Variants in KLF12 observed in about 807,000 individuals in gnomAD.
KLF12 encodes the protein KLF transcription factor 12, also known as Krueppel-like factor 12.
Under a neutral mutation model 37.8 loss-of-function variants are expected in KLF12, and 9 were observed. The ratio of observed to expected loss-of-function variants is 0.24; its 90% CI spans 0.14 to 0.42. The LOEUF (loss-of-function observed/expected upper bound fraction) is 0.42. Among genes scored for constraint, KLF12 ranks in the 10% least tolerant of loss-of-function variants. The pLI is 1.00. For synonymous variants in KLF12, 208 were observed against 202.1 expected, an observed-to-expected ratio of 1.03 and a Z score of -0.25; for missense variants, 411 against 516.0, an observed-to-expected ratio of 0.80 and a Z score of 1.97.
intron 2 of KLF12, among the ~76,000 whole-genome samples, chr13:73,988,337 G>T (rs1891881202): frequency 6.6e-6 from 1 of 152,218 alleles, no homozygotes; most frequent in Middle Eastern, 3.4e-3. Context: ...CCAATTCCCT[G>T]GCTCTAATAA....
chr13:74,199,821 G>A, the KLF12 span, among the ~76,000 whole-genome samples: 1 of 152,064 alleles, frequency 6.6e-6, no homozygotes, highest in Non-Finnish European at 1.5e-5. Flanking sequence ...CCAAAAAAAT[G>A]GGATACAACA....
At chr13:73,854,621 G>A (rs1344629255) in intron 3 of KLF12, among the ~76,000 whole-genome samples, 2 of 152,090 alleles carry the variant, frequency 1.3e-5, no homozygotes, top group African/African-American at 4.8e-5. Flanking sequence ...ATCCATGGGG[G>A]ATTGGTTCCA....
At chr13:73,762,401 T>C (rs930630120) in intron 6 of KLF12, among the ~76,000 whole-genome samples, 3 of 152,208 alleles carry the variant, frequency 2.0e-5, no homozygotes, top group Non-Finnish European at 4.4e-5. Flanking sequence ...AACTCAATAA[T>C]AAACACTGGT....
At chr13:73,905,376 T>A (rs1344569342) in intron 3 of KLF12, among the ~76,000 whole-genome samples, 1 of 149,902 alleles carries the variant, frequency 6.7e-6, no homozygotes, top group Non-Finnish European at 1.5e-5. Context: ...AAATATGATA[T>A]CATCATGGAT....
intron 1 of KLF12, among the ~76,000 whole-genome samples, chr13:74,073,939 C>T (rs1363280872): frequency 1.3e-5 from 2 of 152,166 alleles, no homozygotes; most frequent in Non-Finnish European, 2.9e-5. Flanking sequence ...TGTTAATAAG[C>T]TTTGCAATCT....
At chr13:74,240,178 TA>T in the KLF12 span, among the ~76,000 whole-genome samples, 1 of 152,164 alleles carries the variant, frequency 6.6e-6, no homozygotes, top group South Asian at 2.1e-4. Flanking sequence ...GTCTGTAAAT[TA>T]TTTTATTTTT....
Position 73,846,098 on chromosome 13 carries a change from T to C in KLF12, c.399A>G (p.Val133=). 1 of 1,614,120 alleles carries C rather than the reference T, an allele frequency of 6.2e-7. No homozygotes were observed. The highest frequency in any genetic ancestry group is 1.1e-5 in the South Asian group (1 of 91,090). The stretch of plus-strand genomic sequence containing the variant: ...CTGTTGACGAAGATGACGCTGAAGA[T>C]ACTGATGTGATAACAGTTGGGGATG... The change falls in exon 4 of 8, where the codon GTA becomes GTG. Residue 133 remains valine, a synonymous_variant. Coordinates refer to ENST00000377669, the MANE Select transcript of KLF12 (RefSeq NM_007249.5).
intron 1 of KLF12, among the ~76,000 whole-genome samples, chr13:74,043,510 T>C (rs1241596777): frequency 6.6e-6 from 1 of 152,222 alleles, no homozygotes; most frequent in Non-Finnish European, 1.5e-5. Context: ...GCTTTTGTAA[T>C]GGTTTGACTG....
rs553349769 is a variant in KLF12 at position 73,860,344 on chromosome 13, GC to G, written c.124-13972del. Among the ~76,000 whole-genome samples, 169 of 152,258 alleles carry G rather than the reference GC, an allele frequency of 1.1e-3. 1 individual carries two copies. The highest frequency in any genetic ancestry group is 4.0e-3 in the African/African-American group (165 of 41,580). Reference sequence around the variant, plus strand: ...TTTTATCTTGTTCTTTTGTAGACAAGCACCTATCACAGTCCCCAGTACAAAG... The same window carrying G: ...TTTTATCTTGTTCTTTTGTAGACAAGACCTATCACAGTCCCCAGTACAAAG... On this transcript the variant is annotated intron_variant, in intron 3 of 7. Coordinates refer to ENST00000377669, the MANE Select transcript of KLF12 (RefSeq NM_007249.5).
the KLF12 span, among the ~76,000 whole-genome samples, chr13:74,228,481 C>T: frequency 7.9e-5 from 12 of 151,978 alleles, no homozygotes; most frequent in Non-Finnish European, 1.2e-4. Context: ...ATTTTGAGGT[C>T]GCCTAGACCA....
intron 5 of KLF12, among the ~76,000 whole-genome samples, chr13:73,767,315 C>T (rs1879979797): frequency 1.3e-5 from 2 of 152,182 alleles, no homozygotes; most frequent in African/African-American, 2.4e-5. Flanking sequence ...GCATGTCATG[C>T]ATTATTCATG....
intron 5 of KLF12, among the ~76,000 whole-genome samples, chr13:73,774,916 CTTTTTTT>C (rs59877053): frequency 2.3e-5 from 3 of 130,386 alleles, no homozygotes; most frequent in Admixed American, 7.9e-5. Context: ...CTCTCGCATT[CTTTTTTT>C]TTTTTTTTTT....
chr13:74,165,815 T>G, the KLF12 span, among the ~76,000 whole-genome samples: 4 of 152,308 alleles, frequency 2.6e-5, no homozygotes, highest in African/African-American at 9.6e-5. Context: ...AGAATGAGAT[T>G]ATTATGAATG....
the KLF12 span, among the ~76,000 whole-genome samples, chr13:74,267,051 T>A: frequency 6.6e-6 from 1 of 152,152 alleles, no homozygotes; most frequent in Non-Finnish European, 1.5e-5. Flanking sequence ...TCTCTAGATG[T>A]CAGTCAGCCT....
At chr13:74,134,012 G>A (rs1381435158), upstream of KLF12, among the ~76,000 whole-genome samples, 1 of 152,112 alleles carries the variant, frequency 6.6e-6, no homozygotes, top group African/African-American at 2.4e-5. Flanking sequence ...GGGCCGGTGG[G>A]TGGAGGCTGC....
At chr13:74,301,858 C>T in the KLF12 span, among the ~76,000 whole-genome samples, 1 of 152,104 alleles carries the variant, frequency 6.6e-6, no homozygotes, top group Non-Finnish European at 1.5e-5. Context: ...TTTGTTCCCC[C>T]TACCTGAGCT....
intron 5 of KLF12, among the ~76,000 whole-genome samples, chr13:73,788,692 A>G (rs1471202691): frequency 6.6e-6 from 1 of 151,314 alleles, no homozygotes; most frequent in Non-Finnish European, 1.5e-5. Flanking sequence ...AACTGCTTTT[A>G]TCTCAGTTTT....
chr13:73,928,254 A>G (rs1889498322), intron 3 of KLF12, among the ~76,000 whole-genome samples: 2 of 152,236 alleles, frequency 1.3e-5, no homozygotes, highest in African/African-American at 4.8e-5. Context: ...TGAAATATGC[A>G]GGCAGTTAAA....
intron 2 of KLF12, among the ~76,000 whole-genome samples, chr13:73,961,403 ATC>A (rs1245976423): frequency 1.3e-5 from 2 of 152,182 alleles, no homozygotes; most frequent in Non-Finnish European, 2.9e-5. Context: ...CTCTTCTCAG[ATC>A]TGTTAGAGAA....
Sources: gnomAD v4.1 joint callset for allele counts (sites outside exome capture counted in the v4.1 genomes callset) on GRCh38, gnomAD v4.1.1 for gene constraint, MANE v1.5 for transcripts, NCBI Gene and HGNC (gene_info 2026-07-23, HGNC 2026-07-21) for gene names.